TSC22D1: variants seen among roughly 807,000 people sequenced by gnomAD.
The protein encoded by TSC22D1 is TSC22 domain family protein 1.
A neutral mutation model predicts 74.2 loss-of-function variants in TSC22D1; 9 were observed. The observed-to-expected ratio is 0.12, with a 90% CI of 0.07 to 0.21. The LOEUF (loss-of-function observed/expected upper bound fraction) is 0.21. Ranked by LOEUF, TSC22D1 falls within the 10% of genes least tolerant of loss-of-function variation. The pLI, the probability that TSC22D1 is intolerant of heterozygous loss-of-function variation, is 1.00. For synonymous variants in TSC22D1, 586 were observed against 492.5 expected (o/e 1.19, Z -2.51); for missense variants, 1,427 against 1,304.7 (o/e 1.09, Z -1.44).
intron 1 of TSC22D1, among the ~76,000 whole-genome samples, chr13:44,529,747 T>C (rs948234289): frequency 6.6e-6 from 1 of 152,122 alleles, no homozygotes; most frequent in African/African-American, 2.4e-5. Flanking sequence ...AATATAAGGT[T>C]AGTACACAAG....
At chr13:44,454,318 T>G (rs1421868156) in intron 1 of TSC22D1, among the ~76,000 whole-genome samples, 1 of 152,228 alleles carries the variant, frequency 6.6e-6, no homozygotes, top group Admixed American at 6.5e-5. Context: ...GTTTTAACAC[T>G]GAGGTATGCT....
At chr13:44,485,271 G>A (rs566557960) in intron 1 of TSC22D1, among the ~76,000 whole-genome samples, 16 of 152,122 alleles carry the variant, frequency 1.1e-4, no homozygotes, top group African/African-American at 3.9e-4. Context: ...ATAAGTAAAT[G>A]AAACTCAAAG....
chr13:44,435,850 C>T, intron 2 of TSC22D1, 194 bp downstream of exon 2: 1 of 635,772 alleles, frequency 1.6e-6, no homozygotes, highest in Non-Finnish European at 2.8e-6. Flanking sequence ...TTAATACCCG[C>T]AGGGCCCCTT....
At chr13:44,510,566 TA>T (rs2138008790) in intron 1 of TSC22D1, among the ~76,000 whole-genome samples, 1 of 152,290 alleles carries the variant, frequency 6.6e-6, no homozygotes, top group African/African-American at 2.4e-5. Context: ...GCAATAAGAA[TA>T]AAGCTCTGGT....
intron 1 of TSC22D1, among the ~76,000 whole-genome samples, chr13:44,559,066 T>C (rs578139279): frequency 2.6e-4 from 40 of 152,178 alleles, no homozygotes; most frequent in Non-Finnish European, 5.4e-4. Context: ...ACATTGAAAA[T>C]GAAGAACAGT....
At chr13:44,569,957 TTAAA>T (rs777363134) in intron 1 of TSC22D1, among the ~76,000 whole-genome samples, 1 of 152,162 alleles carries the variant, frequency 6.6e-6, no homozygotes, top group Non-Finnish European at 1.5e-5. Flanking sequence ...TGTACAGTGC[TTAAA>T]TAGAGGAATA....
chr13:44,558,259 A>G (rs1882817731), intron 1 of TSC22D1, among the ~76,000 whole-genome samples: 2 of 152,236 alleles, frequency 1.3e-5, no homozygotes, highest in Admixed American at 1.3e-4. Flanking sequence ...ATCACTTAGT[A>G]GTTAATGTGA....
At chr13:44,538,754 A>G (rs1881297551) in intron 1 of TSC22D1, 1 of 985,410 alleles carries the variant, frequency 1.0e-6, no homozygotes, top group Non-Finnish European at 1.2e-6. Flanking sequence ...TCTTCTAGAC[A>G]TATTGCATGG....
At chr13:44,570,831 AG>A (rs1799534482) in intron 1 of TSC22D1, among the ~76,000 whole-genome samples, 1 of 152,240 alleles carries the variant, frequency 6.6e-6, no homozygotes, top group African/African-American at 2.4e-5. Context: ...AGGTTTTAAA[AG>A]TTTGTTTTTT....
At chr13:44,437,382 T>G in intron 1 of TSC22D1, 3 of 400,256 alleles carry the variant, frequency 7.5e-6, no homozygotes, top group Non-Finnish European at 6.8e-6. Flanking sequence ...TTTTTAAAGA[T>G]AATAATCACC....
chr13:44,517,776 T>C (rs12583543), intron 1 of TSC22D1, among the ~76,000 whole-genome samples: 1,823 of 130,856 alleles, frequency 0.014, 59 homozygotes, highest in African/African-American at 0.048. Context: ...TATATATATA[T>C]ACACATATAT....
Position 44,575,476 on chromosome 13 carries a change from T to C in TSC22D1, c.599A>G (p.His200Arg). 6.2e-7 allele frequency: 1 copy of C among 1,614,026 alleles called. No individual in the cohort carries two copies. The highest frequency in any genetic ancestry group is 8.5e-7 in the Non-Finnish European group (1 of 1,180,002). Residue 200 changes from histidine to arginine, a missense_variant, in exon 1 of 3, where the codon CAT (histidine) becomes CGT (arginine). By Grantham distance (29) the His-to-Arg change is conservative (BLOSUM62 0). Coordinates refer to ENST00000458659, the MANE Select transcript of TSC22D1 (RefSeq NM_183422.4). ...SPNQPHLPQP[H>R]LPHLPQQNVV... ...ATTCTGTTGTGGAAGGTGAGGCAAA[T>C]GAGGCTGAGGAAGGTGGGGCTGGTT... is the stretch of plus-strand genomic sequence containing the variant.
At chr13:44,562,555 C>T (rs1883116148) in intron 1 of TSC22D1, among the ~76,000 whole-genome samples, 2 of 152,116 alleles carry the variant, frequency 1.3e-5, no homozygotes, top group Admixed American at 1.3e-4. Context: ...ATGTACACCA[C>T]TTCCTTTTTG....
intron 1 of TSC22D1, among the ~76,000 whole-genome samples, chr13:44,483,855 G>A (rs772259960): frequency 2.6e-5 from 4 of 152,122 alleles, no homozygotes; most frequent in African/African-American, 7.2e-5. Context: ...CGTACACCAA[G>A]AAGTAATTAT....
intron 1 of TSC22D1, among the ~76,000 whole-genome samples, chr13:44,543,831 C>T (rs144893096): frequency 7.0e-4 from 106 of 152,352 alleles, no homozygotes; most frequent in African/African-American, 2.5e-3. Context: ...ATGGCTCACG[C>T]CTGTAATCCC....
chr13:44,547,846 C>T (rs538557454), intron 1 of TSC22D1, among the ~76,000 whole-genome samples: 25 of 152,190 alleles, frequency 1.6e-4, no homozygotes, highest in African/African-American at 4.6e-4. Context: ...TGGCTAGTTA[C>T]GGGTACAATC....
chr13:44,572,975 CTAT>C (rs1440832430), intron 1 of TSC22D1, among the ~76,000 whole-genome samples, 185 bp downstream of exon 1: 1 of 152,224 alleles, frequency 6.6e-6, no homozygotes, highest in Non-Finnish European at 1.5e-5. Flanking sequence ...TTACATATTA[CTAT>C]TATTTCCTAC....
chr13:44,498,799 C>T (rs920437738), intron 1 of TSC22D1, among the ~76,000 whole-genome samples: 7 of 152,180 alleles, frequency 4.6e-5, no homozygotes, highest in Admixed American at 1.3e-4. Context: ...CTGAGAATAA[C>T]TGGCAACTTG....
intron 1 of TSC22D1, among the ~76,000 whole-genome samples, chr13:44,563,332 C>T (rs957303052): frequency 2.0e-5 from 3 of 152,104 alleles, no homozygotes; most frequent in African/African-American, 4.8e-5. Context: ...AGCAAAGAAA[C>T]CCTGTACTGA....
Sources: gnomAD v4.1 joint callset for allele counts (sites outside exome capture counted in the v4.1 genomes callset) on GRCh38, gnomAD v4.1.1 for gene constraint, MANE v1.5 for transcripts, NCBI Gene and HGNC (gene_info 2026-07-23, HGNC 2026-07-21) for gene names.